MGMT: variants seen among roughly 807,000 people sequenced by gnomAD.
MGMT encodes the protein methylated-DNA--protein-cysteine methyltransferase.
Under a neutral mutation model 15.9 loss-of-function variants are expected in MGMT, and 14 were observed. The observed-to-expected ratio is 0.88, with a 90% CI of 0.58 to 1.37. The LOEUF (loss-of-function observed/expected upper bound fraction) is 1.37. Ranked by LOEUF, MGMT falls within the 40% of genes most tolerant of loss-of-function variation. MGMT has a pLI of 0.00. For missense variants in MGMT, 282 were observed against 268.1 expected (o/e 1.05, Z -0.36); for synonymous variants, 130 against 118.2 (o/e 1.10, Z -0.65).
chr10:129,559,198 G>A (rs1846249712), intron 2 of MGMT, among the ~76,000 whole-genome samples: 1 of 152,148 alleles, frequency 6.6e-6, no homozygotes, highest in African/African-American at 2.4e-5. Flanking sequence ...TTAAAATAAT[G>A]TGATGTATGG....
intron 2 of MGMT, among the ~76,000 whole-genome samples, chr10:129,615,877 G>GAACCCC (rs1480677265): frequency 6.6e-6 from 1 of 152,168 alleles, no homozygotes; most frequent in Non-Finnish European, 1.5e-5. Context: ...AGGGGGTGTG[G>GAACCCC]CAGTGGGACC....
At chr10:129,765,343 G>A (rs1016766591) in intron 4 of MGMT, among the ~76,000 whole-genome samples, 1 of 152,170 alleles carries the variant, frequency 6.6e-6, no homozygotes, top group Non-Finnish European at 1.5e-5. Context: ...TGCTTGTTGG[G>A]AAGCTTAAGC....
At chr10:129,548,578 A>G (rs764627529) in intron 2 of MGMT, among the ~76,000 whole-genome samples, 43 of 152,212 alleles carry the variant, frequency 2.8e-4, no homozygotes, top group Non-Finnish European at 4.4e-4. Context: ...CAAAACTTTT[A>G]TTGAAAATAA....
chr10:129,632,584 C>T (rs545780463), intron 2 of MGMT, among the ~76,000 whole-genome samples: 3 of 152,214 alleles, frequency 2.0e-5, no homozygotes, highest in East Asian at 1.9e-4. Context: ...TTAAATGCTG[C>T]GTACGTGTCA....
At chr10:129,631,540 T>C (rs1256184875) in intron 2 of MGMT, among the ~76,000 whole-genome samples, 1 of 152,200 alleles carries the variant, frequency 6.6e-6, no homozygotes, top group Non-Finnish European at 1.5e-5. Flanking sequence ...AATTAAAAAT[T>C]TGGACGGTGT....
intron 1 of MGMT, among the ~76,000 whole-genome samples, chr10:129,475,717 C>T (rs1295369302): frequency 3.9e-5 from 6 of 152,284 alleles, no homozygotes; most frequent in African/African-American, 7.2e-5. Flanking sequence ...AGGCAGGCGA[C>T]GTGGGAAGGG....
chr10:129,729,418 G>A (rs1278146715), intron 3 of MGMT, among the ~76,000 whole-genome samples: 2 of 152,118 alleles, frequency 1.3e-5, no homozygotes, highest in African/African-American at 4.8e-5. Context: ...CGGCACCTGC[G>A]TGTCCCTGTC....
intron 2 of MGMT, among the ~76,000 whole-genome samples, chr10:129,582,372 G>T (rs144355066): frequency 6.6e-6 from 1 of 152,180 alleles, no homozygotes; most frequent in African/African-American, 2.4e-5. Context: ...TGACCACTGC[G>T]CAGTGTTGCT....
chr10:129,610,234 G>A (rs1051555325), intron 2 of MGMT, among the ~76,000 whole-genome samples: 21 of 152,008 alleles, frequency 1.4e-4, no homozygotes, highest in Non-Finnish European at 2.4e-4. Flanking sequence ...TCTAACAATT[G>A]CACCTTATTC....
At chr10:129,725,706 G>A (rs1365900396) in intron 3 of MGMT, among the ~76,000 whole-genome samples, 2 of 152,236 alleles carry the variant, frequency 1.3e-5, no homozygotes, top group Non-Finnish European at 2.9e-5. Flanking sequence ...CAGATGCCCA[G>A]ATTGGAGCAG....
intron 1 of MGMT, among the ~76,000 whole-genome samples, chr10:129,496,687 T>A (rs546011195): frequency 6.6e-6 from 1 of 152,198 alleles, no homozygotes; most frequent in East Asian, 1.9e-4. Context: ...TGTCCCGTGC[T>A]CTAGAGGTTC....
intron 2 of MGMT, among the ~76,000 whole-genome samples, chr10:129,575,942 G>C (rs964591118): frequency 6.6e-6 from 1 of 152,124 alleles, no homozygotes; most frequent in Non-Finnish European, 1.5e-5. Flanking sequence ...TAGAAGAAAT[G>C]GATAAATTCC....
chr10:129,505,685 A>G (rs1006681020), intron 1 of MGMT, among the ~76,000 whole-genome samples: 3 of 152,228 alleles, frequency 2.0e-5, no homozygotes, highest in Non-Finnish European at 4.4e-5. Context: ...TATTGGTGAC[A>G]TCATTTTCCT....
chr10:129,666,807 C>T (rs761761414), intron 2 of MGMT, among the ~76,000 whole-genome samples: 1 of 152,152 alleles, frequency 6.6e-6, no homozygotes, highest in African/African-American at 2.4e-5. Flanking sequence ...GGTGTGCCTA[C>T]CCAACAGTTG....
intron 2 of MGMT, among the ~76,000 whole-genome samples, chr10:129,592,136 C>CT (rs1564862176): frequency 6.6e-6 from 1 of 152,108 alleles, no homozygotes; most frequent in African/African-American, 2.4e-5. Flanking sequence ...GGAGTGGCCA[C>CT]TTTTTTCCTG....
chr10:129,734,558 C>T (rs945098438), intron 3 of MGMT, among the ~76,000 whole-genome samples: 8 of 152,088 alleles, frequency 5.3e-5, no homozygotes, highest in African/African-American at 1.9e-4. Flanking sequence ...TTATTTCCTT[C>T]TCCTGCCTGA....
At chr10:129,722,189 A>T (rs142044307) in intron 3 of MGMT, among the ~76,000 whole-genome samples, 1 of 152,218 alleles carries the variant, frequency 6.6e-6, no homozygotes, top group Non-Finnish European at 1.5e-5. Context: ...AAAACCAATA[A>T]GTGAATTTGA....
chr10:129,735,366 C>T lies in MGMT; in HGVS notation c.275-23836C>T, dbSNP rs990983236. ...TTTGTGTAGAGGTGTTTGTAGTATT[C>T]TCTGATGGTAGTTTGTATTTCTGTG... On this transcript the variant is annotated intron_variant, in intron 3 of 4. Transcript: ENST00000651593. Among the ~76,000 whole-genome samples, 55 of 152,246 alleles carry T rather than the reference C, an allele frequency of 3.6e-4. 1 individual carries two copies. Among genetic ancestry groups the T allele is most frequent in the Admixed American group, 4.6e-4 (7 of 15,304 alleles).
chr10:129,584,650 C>T (rs1846598483), intron 2 of MGMT, among the ~76,000 whole-genome samples: 3 of 152,116 alleles, frequency 2.0e-5, no homozygotes, highest in Non-Finnish European at 4.4e-5. Context: ...TTTCCCATCC[C>T]CCTCCCTCTG....
Sources: allele counts gnomAD v4.1 joint callset (sites outside exome capture counted in the v4.1 genomes callset), GRCh38; gene constraint gnomAD v4.1.1; transcripts MANE v1.5; gene names NCBI Gene and HGNC (gene_info 2026-07-23, HGNC 2026-07-21).